The following GLIS3 variants were observed in gnomAD, a reference collection of about 807,000 sequenced individuals.
GLIS3 encodes GLIS family zinc finger 3, also known as zinc finger protein GLIS3.
Under a neutral mutation model 78.6 loss-of-function variants are expected in GLIS3, and 53 were observed. The ratio of observed to expected loss-of-function variants is 0.67; its 90% CI spans 0.54 to 0.85. The LOEUF is 0.85. GLIS3 is among the 40% of genes least tolerant of loss of function. GLIS3 has a pLI of 0.00. For missense variants in GLIS3, 1,703 were observed against 1,231.1 expected (o/e 1.38, Z -5.74); for synonymous variants, 684 against 509.9 (o/e 1.34, Z -4.60).
the GLIS3 span, among the ~76,000 whole-genome samples, chr9:4,452,973 C>A: frequency 2.6e-5 from 4 of 152,064 alleles, no homozygotes; most frequent in Admixed American, 6.6e-5. Flanking sequence ...AGAGATAGAC[C>A]AATGGAACAG....
intron 2 of GLIS3, among the ~76,000 whole-genome samples, chr9:4,181,025 TCAGA>T (rs1817275060): frequency 6.6e-6 from 1 of 152,158 alleles, no homozygotes; most frequent in African/African-American, 2.4e-5. Flanking sequence ...GGTGTCCACC[TCAGA>T]CAGGTAAGAT....
chr9:4,059,375 C>T (rs140516331), intron 4 of GLIS3, among the ~76,000 whole-genome samples: 7 of 152,342 alleles, frequency 4.6e-5, no homozygotes, highest in African/African-American at 1.7e-4. Context: ...TGCACTGCTG[C>T]TCTGCTTTCA....
intron 2 of GLIS3, among the ~76,000 whole-genome samples, chr9:4,218,410 C>G (rs890873710): frequency 6.6e-6 from 1 of 152,158 alleles, no homozygotes; most frequent in Non-Finnish European, 1.5e-5. Flanking sequence ...TCCTGAGTAG[C>G]TGGGACTACA....
intron 4 of GLIS3, among the ~76,000 whole-genome samples, chr9:3,972,993 A>T (rs1329042212): frequency 6.6e-6 from 1 of 152,248 alleles, no homozygotes; most frequent in South Asian, 2.1e-4. Context: ...CTGTAAGTCT[A>T]TGGTGGTGGG....
chr9:3,953,039 T>G (rs185149540), intron 4 of GLIS3, among the ~76,000 whole-genome samples: 7 of 152,348 alleles, frequency 4.6e-5, no homozygotes, highest in Admixed American at 4.6e-4. Context: ...GATGTATTCT[T>G]GGGCTGGTGA....
chr9:4,278,807 C>T (rs968554879), intron 2 of GLIS3, among the ~76,000 whole-genome samples: 1 of 152,230 alleles, frequency 6.6e-6, no homozygotes, highest in Admixed American at 6.5e-5. Flanking sequence ...TCTGGTAACA[C>T]CACCTTAGCC....
chr9:4,415,958 T>C, the GLIS3 span, among the ~76,000 whole-genome samples: 205 of 151,598 alleles, frequency 1.4e-3, 1 homozygote, highest in African/African-American at 4.6e-3. Context: ...TTTGAATATA[T>C]ACTGCCATTT....
At chr9:3,951,841 AACACACACACACACACACACACACACAC>A (rs3061609) in intron 4 of GLIS3, among the ~76,000 whole-genome samples, 149 of 130,616 alleles carry the variant, frequency 1.1e-3, no homozygotes, top group Admixed American at 3.6e-3. Context: ...AATAAGCATG[AACACACACACACACACACACACACACAC>A]ACACACACAC....
chr9:4,351,220 G>A (rs1177224780), upstream of GLIS3, among the ~76,000 whole-genome samples: 2 of 152,014 alleles, frequency 1.3e-5, no homozygotes, highest in African/African-American at 4.8e-5. Context: ...TCCAGCCTGG[G>A]AGACAGAGTG....
At chr9:4,449,802 T>G in the GLIS3 span, among the ~76,000 whole-genome samples, 1 of 151,910 alleles carries the variant, frequency 6.6e-6, no homozygotes, top group Non-Finnish European at 1.5e-5. Context: ...AGCATCAACA[T>G]CAACAAAAAG....
chr9:4,313,500 G>A (rs1320230981), intron 2 of GLIS3, among the ~76,000 whole-genome samples: 3 of 152,116 alleles, frequency 2.0e-5, no homozygotes, highest in Non-Finnish European at 2.9e-5. Context: ...TAACCTCCGC[G>A]TGGCTCCATT....
chr9:3,830,233 T>C (rs1817967984), intron 9 of GLIS3, among the ~76,000 whole-genome samples: 1 of 152,228 alleles, frequency 6.6e-6, no homozygotes, highest in Non-Finnish European at 1.5e-5. Context: ...AATGTAGTTT[T>C]CCTTGGGGTC....
intron 6 of GLIS3, among the ~76,000 whole-genome samples, chr9:3,901,969 G>A (rs1238602890): frequency 6.6e-6 from 1 of 152,134 alleles, no homozygotes; most frequent in Admixed American, 6.6e-5. Context: ...GTTTTACCAA[G>A]GGCAGACATG....
intron 2 of GLIS3, among the ~76,000 whole-genome samples, chr9:4,260,248 T>G (rs1177551376): frequency 6.6e-6 from 1 of 152,090 alleles, no homozygotes; most frequent in Non-Finnish European, 1.5e-5. Flanking sequence ...CTGCCCAACA[T>G]GGTGAAACCC....
At chr9:4,314,218 G>C (rs1255406507) in intron 2 of GLIS3, among the ~76,000 whole-genome samples, 3 of 152,198 alleles carry the variant, frequency 2.0e-5, no homozygotes, top group African/African-American at 7.2e-5. Context: ...TTAATACATT[G>C]TAAGCACTCA....
intron 4 of GLIS3, among the ~76,000 whole-genome samples, chr9:4,087,803 C>T (rs960838180): frequency 8.5e-5 from 13 of 152,206 alleles, no homozygotes; most frequent in African/African-American, 2.9e-4. Context: ...CCAGGCCTGA[C>T]CGCTTCCTCC....
intron 4 of GLIS3, among the ~76,000 whole-genome samples, chr9:4,077,303 G>A (rs746975787): frequency 1.6e-4 from 25 of 152,086 alleles, no homozygotes; most frequent in South Asian, 2.1e-4. Context: ...CATTCTTAAG[G>A]CTTTCAATTG....
At chr9:4,033,002 C>T (rs941539055) in intron 4 of GLIS3, among the ~76,000 whole-genome samples, 5 of 152,068 alleles carry the variant, frequency 3.3e-5, no homozygotes, top group South Asian at 2.1e-4. Context: ...TACAGGCGCC[C>T]GCCACCACGC....
chr9:4,480,687 G>C, the GLIS3 span, among the ~76,000 whole-genome samples: 430 of 152,098 alleles, frequency 2.8e-3, 1 homozygote, highest in Middle Eastern at 6.8e-3. Flanking sequence ...CAAAAAGCAT[G>C]TGCTCAGGAA....
Sources: allele counts gnomAD v4.1 joint callset (sites outside exome capture counted in the v4.1 genomes callset), GRCh38; gene constraint gnomAD v4.1.1; transcripts MANE v1.5; gene names NCBI Gene and HGNC (gene_info 2026-07-23, HGNC 2026-07-21).